The following BSN variants were observed in gnomAD, a reference collection of about 807,000 sequenced individuals.
BSN encodes the protein bassoon presynaptic cytomatrix protein.
BSN carries 57 observed loss-of-function variants against 264.8 expected under a neutral mutation model. The observed-to-expected ratio is 0.22, with a 90% CI of 0.17 to 0.27. BSN has a LOEUF of 0.27. Ranked by LOEUF, BSN falls within the 10% of genes least tolerant of loss-of-function variation. The pLI, the probability that BSN is intolerant of heterozygous loss-of-function variation, is 1.00. For synonymous variants in BSN, 2,059 were observed against 2,137.3 expected, an observed-to-expected ratio of 0.96 and a Z score of 1.01; for missense variants, 4,615 against 5,232.5, an observed-to-expected ratio of 0.88 and a Z score of 3.64.
rs1433037190 is a variant in BSN, at chr3:49,662,279, A to G, written c.10434A>G (p.Lys3478=). ...GGGAGGCTGTGGAGCGACTTCAAAA[A>G]GCGGGCCCCAAGCCCTCATCCCTAA... The part of the protein sequence containing the change: ...REREAVERLQ[K]AGPKPSSLSM... Residue 3478 remains lysine, a synonymous_variant, in exon 6 of 12, where the codon AAA becomes AAG. Transcript: ENST00000296452. 6.2e-7 allele frequency: 1 copy of G among 1,613,918 alleles called. No homozygotes were observed. Among genetic ancestry groups the G allele is most frequent in the African/African-American group, 1.3e-5 (1 of 75,056 alleles).
In BSN at chr3:49,654,058, C is replaced by T. The variant is rs1231368517; in HGVS notation, c.4502C>T (p.Thr1501Ile). 1.9e-6 allele frequency: 3 copies of T among 1,613,844 alleles called. No homozygotes were observed. Among genetic ancestry groups the T allele is most frequent in the South Asian group, 2.2e-5 (2 of 91,068 alleles). Residue 1501 changes from threonine to isoleucine, a missense_variant, in exon 5 of 12, where the codon ACA becomes ATA. Physicochemically the swap from Thr to Ile is moderately conservative, Grantham distance 89. This residue lies in a region of BSN where 3,415 missense variants were observed against 3,866.4 expected (regional missense o/e 0.88). Coordinates refer to ENST00000296452, the MANE Select transcript of BSN (RefSeq NM_003458.4). This position sits in a 1 kb window ranked among gnomAD's most constrained non-coding sequence, Gnocchi z 4.1. ...CCTGGCAAGATGGGCCCAAGGGCCA[C>T]AGCAGAGTTCTCTACACAGACGCCA... Reference protein sequence around the residue: ...FSPGKMGPRATAEFSTQTPSP... With the variant: ...FSPGKMGPRAIAEFSTQTPSP...
chr3:49,662,120 G>A lies in BSN; in HGVS notation c.10275G>A (p.Met3425Ile), dbSNP rs757993938. Residue 3425 changes from methionine (M) to isoleucine (I), a missense_variant, in exon 6 of 12, where the codon ATG (methionine) becomes ATA (isoleucine). Coordinates refer to ENST00000296452, the MANE Select transcript of BSN (RefSeq NM_003458.4). ...ATGAGCAGCAAAAATACTATGGGAT[G>A]TCCAGCCGGGACGCAGTGGAGGACG... ...NVYEQQKYYG[M>I]SSRDAVEDDR... is the part of the protein sequence containing the mutation. The A allele has an allele frequency of 1.2e-6, 2 of 1,613,522 alleles. No homozygotes were observed. The highest frequency in any genetic ancestry group is 1.7e-6 in the Non-Finnish European group (2 of 1,180,040).
intron 1 of BSN, among the ~76,000 whole-genome samples, chr3:49,563,766 G>C (rs1161865201): frequency 1.3e-5 from 2 of 152,214 alleles, no homozygotes; most frequent in Non-Finnish European, 2.9e-5. Flanking sequence ...CAGAATGTCT[G>C]CTGTCATACT....
intron 1 of BSN, 125 bp from the exon 2 acceptor site, chr3:49,624,850 G>A (rs2052330567): frequency 4.5e-6 from 4 of 883,094 alleles, no homozygotes; most frequent in South Asian, 2.1e-5. Flanking sequence ...GGGCCATGAT[G>A]ATTCTTCTGG....
chr3:49,663,593 C>T lies in BSN; in HGVS notation c.11435C>T (p.Pro3812Leu). Residue 3812 changes from proline (P) to leucine (L), a missense_variant, in exon 7 of 12, where the codon CCT (proline) becomes CTT (leucine). By Grantham distance (98) the Pro-to-Leu change is moderately conservative. Around this residue, in one of 3 missense-constraint regions of BSN, gnomAD observed 3,415 missense variants for 3,866.4 expected, o/e 0.88. Transcript: ENST00000296452. Reference protein sequence around the residue: ...QSQPTTRGSAPAASQPAGKPQ... With the variant: ...QSQPTTRGSALAASQPAGKPQ... ...CAGCCAACCACCCGGGGCTCAGCCC[C>T]TGCTGCCAGCCAGCCTGCAGGGAAG... 6.2e-7 allele frequency: 1 copy of T among 1,607,036 alleles called. No individual in the cohort carries two copies. The highest frequency in any genetic ancestry group is 8.5e-7 in the Non-Finnish European group (1 of 1,177,678).
chr3:49,602,499 G>A (rs2052080129), intron 1 of BSN, among the ~76,000 whole-genome samples: 1 of 149,994 alleles, frequency 6.7e-6, no homozygotes, highest in African/African-American at 2.5e-5. Context: ...AGGCTGGAGT[G>A]CAATGACACT....
intron 1 of BSN, among the ~76,000 whole-genome samples, chr3:49,601,814 A>T (rs1020596850): frequency 1.3e-5 from 2 of 152,232 alleles, no homozygotes; most frequent in Admixed American, 6.5e-5. Flanking sequence ...GGTAGTTATT[A>T]GATTTCTGAA....
At position 49,654,034 on chromosome 3, in the gene BSN, CT is replaced by C; in HGVS notation, c.4479del (p.Gly1494AlafsTer37). Reference protein sequence around the residue: ...SSPSESPTFSPGKMGPRATAE... With the variant: ...SSPSESPTFSXGKMGPRATAE... ...CCCTCAGAGAGTCCCACATTCTCCC[CT>C]GGCAAGATGGGCCCAAGGGCCACAG... On this transcript the variant is annotated frameshift_variant, in exon 5 of 12. Transcript: ENST00000296452. LOFTEE classifies it high-confidence loss of function. This position sits in a 1 kb window ranked among gnomAD's most constrained non-coding sequence, Gnocchi z 4.1. The C allele has an allele frequency of 6.2e-7, 1 of 1,613,904 alleles. No individual in the cohort carries two copies. The highest frequency in any genetic ancestry group is 8.5e-7 in the Non-Finnish European group (1 of 1,179,964).
intron 1 of BSN, among the ~76,000 whole-genome samples, chr3:49,621,961 A>G (rs1230420997): frequency 6.6e-6 from 1 of 152,184 alleles, no homozygotes; most frequent in East Asian, 1.9e-4. Context: ...CTGAAGGAGT[A>G]GTGGAGCAAA....
intron 1 of BSN, among the ~76,000 whole-genome samples, chr3:49,592,553 A>T (rs1197059265): frequency 6.6e-6 from 1 of 150,672 alleles, no homozygotes; most frequent in Non-Finnish European, 1.5e-5. Context: ...GGAGATGGAG[A>T]CTATCCTGGC....
chr3:49,580,485 G>A lies in BSN; in HGVS notation c.224+25659G>A, dbSNP rs2051887591. On this transcript the variant is annotated intron_variant, in intron 1 of 11. Coordinates refer to ENST00000296452, the MANE Select transcript of BSN (RefSeq NM_003458.4). Reference sequence around the variant, plus strand: ...CTTGCTCTGTCACCGAGGCTGGAGTGCAGTGGTGCGATCATGACGCACTGC... The same window carrying A: ...CTTGCTCTGTCACCGAGGCTGGAGTACAGTGGTGCGATCATGACGCACTGC... 1.3e-5 allele frequency among the ~76,000 whole-genome samples: 2 copies of A among 151,884 alleles called. 1 individual carries two copies. Among genetic ancestry groups the A allele is most frequent in the South Asian group, 4.2e-4 (2 of 4,808 alleles).
chr3:49,642,208 C>G lies in BSN; in HGVS notation c.634-60C>G. The G allele has an allele frequency of 7.2e-7, 1 of 1,379,442 alleles. No individual in the cohort carries two copies. Among genetic ancestry groups the G allele is most frequent in the South Asian group, 1.5e-5 (1 of 65,862 alleles). The allele number at this position is 1,379,442 out of a possible 1,614,324, so 85.5% of individuals were successfully genotyped here. A position where few individuals can be genotyped will look rare whatever the true frequency, so the allele number is the denominator to read the frequency against. ...TGGCTGCTGTGGGGCCTGCACTGAC[C>G]TGGGCCATGAGTACTGCCAATCCTG... is the stretch of plus-strand genomic sequence containing the variant. On this transcript the variant is annotated intron_variant, in intron 2 of 11. Coordinates refer to ENST00000296452, the MANE Select transcript of BSN (RefSeq NM_003458.4). This position sits in a 1 kb window ranked among gnomAD's most constrained non-coding sequence, Gnocchi z 7.0.
intron 1 of BSN, among the ~76,000 whole-genome samples, chr3:49,603,931 T>TTA (rs1468165268): frequency 1.3e-5 from 2 of 152,214 alleles, no homozygotes; most frequent in Non-Finnish European, 1.5e-5. Context: ...AATGGAATCA[T>TTA]AAAATAGGTA....
intron 1 of BSN, among the ~76,000 whole-genome samples, chr3:49,596,461 T>G (rs2108028652): frequency 6.6e-6 from 1 of 152,348 alleles, no homozygotes; most frequent in East Asian, 1.9e-4. Flanking sequence ...CTTTATGAAG[T>G]TGCAATAATT....
chr3:49,667,287 C>T (rs1310447851), intron 11 of BSN, among the ~76,000 whole-genome samples: 1 of 150,542 alleles, frequency 6.6e-6, no homozygotes, highest in African/African-American at 2.4e-5. Context: ...AAACCAAATC[C>T]CTTCTCCATC....
Position 49,655,675 on chromosome 3 carries a change from G to C in BSN, c.6119G>C (p.Gly2040Ala). The C allele has an allele frequency of 6.2e-7, 1 of 1,613,592 alleles. No individual in the cohort carries two copies. Among genetic ancestry groups the C allele is most frequent in the Non-Finnish European group, 8.5e-7 (1 of 1,180,024 alleles). ...GRYLGQGLQYGSVTDLRHPTD... is the reference protein window; with the variant it reads ...GRYLGQGLQYASVTDLRHPTD... ...TACCTAGGGCAGGGCTTGCAGTATG[G>C]CTCAGTCACGGACCTGCGTCATCCT... Residue 2040 changes from glycine (G) to alanine (A), a missense_variant, in exon 5 of 12, where the codon GGC (glycine) becomes GCC (alanine). Physicochemically the swap from Gly to Ala is moderately conservative, Grantham distance 60. Around this residue, in one of 3 missense-constraint regions of BSN, gnomAD observed 3,415 missense variants for 3,866.4 expected, o/e 0.88. Coordinates refer to ENST00000296452, the MANE Select transcript of BSN (RefSeq NM_003458.4).
rs563409142 is a variant in BSN, at chr3:49,639,427, T to C, written c.634-2841T>C. ...GTTAGCCAGGATGGTCTCGATCTCCTGACCTCATGATCCGCCCGCCTCTGC... is the reference window on the plus strand; with the variant it reads ...GTTAGCCAGGATGGTCTCGATCTCCCGACCTCATGATCCGCCCGCCTCTGC... On this transcript the variant is annotated intron_variant, in intron 2 of 11. Transcript: ENST00000296452. Among the ~76,000 whole-genome samples, 191 of 152,252 alleles carry C rather than the reference T, an allele frequency of 1.3e-3. 1 individual carries two copies. The highest frequency in any genetic ancestry group is 4.2e-3 in the African/African-American group (174 of 41,536).
chr3:49,657,717 G>A lies in BSN; in HGVS notation c.8161G>A (p.Glu2721Lys), dbSNP rs1559617680. Residue 2721 changes from glutamate (E) to lysine (K), a missense_variant, in exon 5 of 12, where the codon GAG becomes AAG. This residue lies in a region of BSN where 3,415 missense variants were observed against 3,866.4 expected (regional missense o/e 0.88). Coordinates refer to ENST00000296452, the MANE Select transcript of BSN (RefSeq NM_003458.4). ...GRGESLACQT[E>K]PDGQAQGVAG... Reference sequence around the variant, plus strand: ...TGGGGAGAGCCTGGCCTGCCAGACGGAGCCAGATGGGCAGGCCCAGGGTGT... The same window carrying A: ...TGGGGAGAGCCTGGCCTGCCAGACGAAGCCAGATGGGCAGGCCCAGGGTGT... 1.9e-6 allele frequency: 3 copies of A among 1,550,476 alleles called. No individual in the cohort carries two copies. Among genetic ancestry groups the A allele is most frequent in the Non-Finnish European group, 2.6e-6 (3 of 1,145,598 alleles).
At chr3:49,595,484 C>T (rs980196164) in intron 1 of BSN, among the ~76,000 whole-genome samples, 6 of 151,800 alleles carry the variant, frequency 4.0e-5, no homozygotes, top group South Asian at 2.1e-4. Flanking sequence ...CCACTGCGCC[C>T]GGCCTCACAA....
Sources: gnomAD v4.1 joint callset for allele counts (sites outside exome capture counted in the v4.1 genomes callset) on GRCh38, gnomAD v4.1.1 for gene constraint, gnomAD v4.1.1 regional missense constraint, Gnocchi (gnomAD v3.1) non-coding constraint, MANE v1.5 for transcripts, NCBI Gene and HGNC (gene_info 2026-07-23, HGNC 2026-07-21) for gene names.